Variants in ZBTB20 observed in about 807,000 individuals in gnomAD.
ZBTB20 encodes zinc finger and BTB domain containing 20, also known as zinc finger and BTB domain-containing protein 20.
A neutral mutation model predicts 56.9 loss-of-function variants in ZBTB20; 9 were observed. The observed-to-expected ratio is 0.16, with a 90% CI of 0.10 to 0.28. ZBTB20 has a LOEUF of 0.28. ZBTB20 is among the 10% of genes least tolerant of loss of function. The pLI, the probability that ZBTB20 is intolerant of heterozygous loss-of-function variation, is 1.00. For synonymous variants in ZBTB20, 417 were observed against 420.7 expected (o/e 0.99, Z 0.11); for missense variants, 655 against 1,003.0 (o/e 0.65, Z 4.69).
At chr3:115,123,420 CAG>C (rs1450459846) in intron 1 of ZBTB20, among the ~76,000 whole-genome samples, 1 of 152,062 alleles carries the variant, frequency 6.6e-6, no homozygotes, top group Non-Finnish European at 1.5e-5. Context: ...AAAATAGACA[CAG>C]AGAATAGAAA....
chr3:114,602,868 A>AT (rs1008046515), intron 6 of ZBTB20, among the ~76,000 whole-genome samples: 1 of 151,940 alleles, frequency 6.6e-6, no homozygotes, highest in Admixed American at 6.6e-5. Flanking sequence ...AAAAGTATGT[A>AT]TTTTTTCTTC....
intron 3 of ZBTB20, among the ~76,000 whole-genome samples, chr3:114,912,130 G>A (rs200847732): frequency 6.9e-4 from 94 of 136,496 alleles, no homozygotes; most frequent in Non-Finnish European, 9.5e-4. Context: ...AGTGCTAAAA[G>A]AAAAAAAAAA....
chr3:115,070,166 T>G (rs1311005835), intron 2 of ZBTB20, among the ~76,000 whole-genome samples: 1 of 152,146 alleles, frequency 6.6e-6, no homozygotes, highest in Admixed American at 6.6e-5. Context: ...GAATGAGGGA[T>G]CCTTCCAGCT....
chr3:114,347,729 A>C lies in ZBTB20; in HGVS notation c.1804+2545T>G, dbSNP rs1223602907. On this transcript the variant is annotated intron_variant, in intron 11 of 11. Coordinates refer to ENST00000675478, the MANE Select transcript of ZBTB20 (RefSeq NM_001348800.3). ...GTCTTGAAAGACTGATAGGATTTCC[A>C]AACTGCCACTGCCAAATAATTCTGG... Among the ~76,000 whole-genome samples, 3 of 152,344 alleles carry C rather than the reference A, an allele frequency of 2.0e-5. 1 individual carries two copies. Among genetic ancestry groups the C allele is most frequent in the Admixed American group, 2.0e-4 (3 of 15,300 alleles).
intron 5 of ZBTB20, among the ~76,000 whole-genome samples, chr3:114,759,445 T>C (rs1354687543): frequency 4.6e-5 from 7 of 152,156 alleles, no homozygotes; most frequent in Non-Finnish European, 5.9e-5. Flanking sequence ...ATGGAAACCA[T>C]ATGTTCCTCC....
At chr3:114,956,458 A>G (rs1222777921) in intron 3 of ZBTB20, among the ~76,000 whole-genome samples, 2 of 152,210 alleles carry the variant, frequency 1.3e-5, no homozygotes, top group African/African-American at 4.8e-5. Flanking sequence ...ATCTTCAACT[A>G]GGAAGACATA....
intron 6 of ZBTB20, among the ~76,000 whole-genome samples, chr3:114,565,018 A>T (rs973727913): frequency 1.3e-5 from 2 of 152,084 alleles, no homozygotes; most frequent in Non-Finnish European, 2.9e-5. Context: ...TAACCCTTAA[A>T]CATTTAAGCC....
At chr3:114,861,421 A>G in intron 4 of ZBTB20, among the ~76,000 whole-genome samples, 1 of 152,296 alleles carries the variant, frequency 6.6e-6, no homozygotes, top group East Asian at 1.9e-4. Flanking sequence ...AATACTTAAA[A>G]TTTAAAAATT....
In ZBTB20 at chr3:114,976,296, C is replaced by G. The variant is rs1401134627; in HGVS notation, c.-506-1880G>C. On this transcript the variant is annotated intron_variant, in intron 2 of 11. Coordinates refer to ENST00000675478, the MANE Select transcript of ZBTB20 (RefSeq NM_001348800.3). ...CAAAGGACGTAAGAATAATAAGAAA[C>G]CTGAATCAAGTAAAGAAGACAGTCA... Among the ~76,000 whole-genome samples, 3 of 151,960 alleles carry G rather than the reference C, an allele frequency of 2.0e-5. No homozygotes were observed. The East Asian group carries it at 5.8e-4, about 29-fold the overall frequency.
intron 2 of ZBTB20, among the ~76,000 whole-genome samples, chr3:115,023,632 C>T (rs59547882): frequency 0.089 from 13,398 of 150,834 alleles, 1,735 homozygotes; most frequent in African/African-American, 0.28. Flanking sequence ...TCAACAAATC[C>T]TTACTCTTTG....
chr3:114,425,687 T>C (rs964448831), intron 7 of ZBTB20, among the ~76,000 whole-genome samples: 2 of 152,188 alleles, frequency 1.3e-5, no homozygotes, highest in Admixed American at 1.3e-4. Flanking sequence ...CACTCATCCA[T>C]CTTTTCTCAT....
chr3:114,895,007 C>T (rs1032571990), intron 4 of ZBTB20, among the ~76,000 whole-genome samples: 2 of 151,950 alleles, frequency 1.3e-5, no homozygotes, highest in African/African-American at 4.8e-5. Flanking sequence ...GAATCCTTTT[C>T]TGATTGCTGT....
intron 7 of ZBTB20, among the ~76,000 whole-genome samples, chr3:114,476,738 T>C (rs1035448496): frequency 6.6e-6 from 1 of 152,226 alleles, no homozygotes; most frequent in Non-Finnish European, 1.5e-5. Flanking sequence ...CTTCCAACAC[T>C]GTTGCATCAG....
At chr3:114,560,126 C>T (rs1396508763) in intron 6 of ZBTB20, among the ~76,000 whole-genome samples, 1 of 152,092 alleles carries the variant, frequency 6.6e-6, no homozygotes, top group Admixed American at 6.5e-5. Flanking sequence ...TCTTCTAATA[C>T]AGTGATTAAG....
At chr3:114,381,677 T>C (rs2084358992) in intron 8 of ZBTB20, among the ~76,000 whole-genome samples, 1 of 152,218 alleles carries the variant, frequency 6.6e-6, no homozygotes, top group Non-Finnish European at 1.5e-5. Context: ...GTACTTGTTA[T>C]GCAGAATATT....
intron 6 of ZBTB20, among the ~76,000 whole-genome samples, chr3:114,596,416 C>T (rs1300983267): frequency 2.6e-5 from 4 of 152,086 alleles, no homozygotes; most frequent in East Asian, 3.9e-4. Context: ...GGAAACATGA[C>T]ATCATATAAA....
intron 6 of ZBTB20, among the ~76,000 whole-genome samples, chr3:114,647,021 C>T (rs551747777): frequency 1.8e-3 from 272 of 151,940 alleles, no homozygotes; most frequent in African/African-American, 6.0e-3. Flanking sequence ...TGCAGTGGCG[C>T]GATCTTGGCT....
At chr3:115,040,999 T>C (rs1007732560) in intron 2 of ZBTB20, among the ~76,000 whole-genome samples, 10 of 152,182 alleles carry the variant, frequency 6.6e-5, no homozygotes, top group Admixed American at 2.6e-4. Context: ...TTTAGACTGA[T>C]TGGCATGAAG....
chr3:114,529,957 T>G (rs946859446), intron 6 of ZBTB20, among the ~76,000 whole-genome samples: 1 of 152,370 alleles, frequency 6.6e-6, no homozygotes, highest in South Asian at 2.1e-4. Context: ...AACACAATTA[T>G]GTGCTGTATA....
Sources: allele counts gnomAD v4.1 joint callset (sites outside exome capture counted in the v4.1 genomes callset), GRCh38; gene constraint gnomAD v4.1.1; transcripts MANE v1.5; gene names NCBI Gene and HGNC (gene_info 2026-07-23, HGNC 2026-07-21).